The following DCAF8L2 variants were observed in gnomAD, a reference collection of about 807,000 sequenced individuals.
DCAF8L2 encodes DDB1- and CUL4-associated factor 8-like protein 2.
For synonymous variants in DCAF8L2, 200 were observed against 190.9 expected, an observed-to-expected ratio of 1.05 and a Z score of -0.39; for missense variants, 430 against 490.7, an observed-to-expected ratio of 0.88 and a Z score of 1.17.
At chrX:27,711,934 A>C (rs1931547448) in intron 3 of DCAF8L2, among the ~76,000 whole-genome samples, 1 of 111,210 alleles carries the variant, frequency 9.0e-6, no homozygotes, top group African/African-American at 3.3e-5. Context: ...GGTAGCTTGA[A>C]TCTTTCAAGG....
At chrX:27,674,849 A>T (rs1930087799) in intron 2 of DCAF8L2, among the ~76,000 whole-genome samples, 1 of 111,769 alleles carries the variant, frequency 8.9e-6, no homozygotes, top group Non-Finnish European at 1.9e-5. Context: ...GGTGCTCTCA[A>T]TTCAGAATTG....
chrX:27,637,557 A>G (rs1450909466), intron 2 of DCAF8L2, among the ~76,000 whole-genome samples: 1 of 112,364 alleles, frequency 8.9e-6, no homozygotes, highest in Non-Finnish European at 1.9e-5. Flanking sequence ...AGCTCAAGCC[A>G]TGGAGTACAT....
rs1326985086 is a variant in DCAF8L2 at position 27,746,941 on chromosome X, A to G, written c.46A>G (p.Thr16Ala). 1.7e-6 allele frequency: 2 copies of G among 1,205,582 alleles called. No individual in the cohort carries two copies. Among genetic ancestry groups the G allele is most frequent in the Admixed American group, 4.4e-5 (2 of 45,453 alleles). ...GSTDGLPDLG[T>A]ESLFSSPEEQ... The stretch of plus-strand genomic sequence containing the variant: ...CACAGACGGCTTACCAGACTTAGGG[A>G]CTGAAAGCCTGTTCAGCAGCCCAGA... Residue 16 changes from threonine to alanine, a missense_variant, in exon 5 of 5, where the codon ACT (threonine) becomes GCT (alanine). Physicochemically the swap from Thr to Ala is moderately conservative, Grantham distance 58. Coordinates refer to ENST00000451261, the MANE Select transcript of DCAF8L2 (RefSeq NM_001353450.2).
intron 4 of DCAF8L2, among the ~76,000 whole-genome samples, chrX:27,736,546 ATACT>A (rs999561392): frequency 2.7e-4 from 30 of 112,335 alleles, no homozygotes; most frequent in Non-Finnish European, 3.6e-4. Flanking sequence ...GTTTGTAAAA[ATACT>A]TACTTCAGAT....
At chrX:27,637,250 T>C (rs1271077592) in intron 2 of DCAF8L2, among the ~76,000 whole-genome samples, 1 of 112,302 alleles carries the variant, frequency 8.9e-6, no homozygotes, top group African/African-American at 3.2e-5. Flanking sequence ...TTATGTCCTA[T>C]GGAGTTCCTA....
intron 1 of DCAF8L2, among the ~76,000 whole-genome samples, chrX:27,624,776 T>C (rs1927934581): frequency 9.0e-6 from 1 of 111,546 alleles, no homozygotes; most frequent in Non-Finnish European, 1.9e-5. Flanking sequence ...ACTCAGTAAA[T>C]GGTGTTGGGA....
At chrX:27,700,104 G>A (rs1005147397) in intron 3 of DCAF8L2, among the ~76,000 whole-genome samples, 2 of 111,215 alleles carry the variant, frequency 1.8e-5, no homozygotes, top group Non-Finnish European at 3.8e-5. Context: ...AATCTAGGCT[G>A]GAGCATGTAG....
chrX:27,611,953 T>C (rs915698641), intron 1 of DCAF8L2, among the ~76,000 whole-genome samples: 2 of 111,550 alleles, frequency 1.8e-5, no homozygotes, highest in African/African-American at 6.5e-5. Context: ...TTTGGGTATA[T>C]AGCCAGTAAT....
At chrX:27,573,866 T>TC in the DCAF8L2 span, among the ~76,000 whole-genome samples, 909 of 104,898 alleles carry the variant, frequency 8.7e-3, 9 homozygotes, top group African/African-American at 0.03. Context: ...TCTCTCTCTC[T>TC]TTTTTTTTTT....
chrX:27,514,085 C>T, the DCAF8L2 span, among the ~76,000 whole-genome samples: 1 of 108,569 alleles, frequency 9.2e-6, no homozygotes, highest in African/African-American at 3.4e-5. Flanking sequence ...TTCACAATAG[C>T]CAATACATAA....
upstream of DCAF8L2, among the ~76,000 whole-genome samples, chrX:27,586,004 C>T (rs1925896245): frequency 9.0e-6 from 1 of 111,602 alleles, no homozygotes; most frequent in African/African-American, 3.3e-5. Flanking sequence ...TATCAGTGCT[C>T]ATCCACTAAC....
rs936995396 is a variant in DCAF8L2, at chrX:27,686,239, A to G, written c.-143+8327A>G. ...CCAGAAATTCCACTACTAGTTATAT[A>G]TCCAAAAGAAAGGAAATCAGTACAT... On this transcript the variant is annotated intron_variant, in intron 3 of 4. Coordinates refer to ENST00000451261, the MANE Select transcript of DCAF8L2 (RefSeq NM_001353450.2). Among the ~76,000 whole-genome samples, 7 of 111,107 alleles carry G rather than the reference A, an allele frequency of 6.3e-5. No homozygotes were observed. The Admixed American group carries it at 6.7e-4, about 11-fold the overall frequency.
intron 1 of DCAF8L2, among the ~76,000 whole-genome samples, chrX:27,614,495 C>G (rs1016611782): frequency 1.8e-5 from 2 of 111,187 alleles, no homozygotes; most frequent in African/African-American, 6.5e-5. Flanking sequence ...CTTTTGCTAG[C>G]TTTTGAATGT....
rs781380369 is a variant in DCAF8L2, at chrX:27,730,997, G to A, written c.-59+14826G>A. 3.6e-5 allele frequency among the ~76,000 whole-genome samples: 4 copies of A among 111,027 alleles called. No homozygotes were observed. The South Asian group carries it at 1.1e-3, about 32-fold the overall frequency. ...TGTTAAAATATTTAGAATCAAGTAC[G>A]GTATCTTGAACTTTGTGACCACAGA... On this transcript the variant is annotated intron_variant, in intron 4 of 4. Coordinates refer to ENST00000451261, the MANE Select transcript of DCAF8L2 (RefSeq NM_001353450.2).
chrX:27,487,986 A>C, the DCAF8L2 span, among the ~76,000 whole-genome samples: 2 of 112,381 alleles, frequency 1.8e-5, no homozygotes, highest in East Asian at 5.6e-4. Context: ...CTTCAGGTAC[A>C]AGTCTTTAAC....
the DCAF8L2 span, chrX:27,519,018 T>C: frequency 1.1e-6 from 1 of 885,364 alleles, no homozygotes; most frequent in Non-Finnish European, 1.7e-6. Context: ...TGGGAAACCA[T>C]GAACTATACA....
intron 4 of DCAF8L2, among the ~76,000 whole-genome samples, chrX:27,732,020 T>C (rs1921233441): frequency 9.0e-6 from 1 of 111,134 alleles, no homozygotes; most frequent in South Asian, 3.8e-4. Flanking sequence ...GTTGTTTTTA[T>C]TGTATATATT....
At position 27,747,445 on chromosome X, in the gene DCAF8L2, C is replaced by T; in HGVS notation, c.550C>T (p.Arg184Ter). Residue 184 changes from arginine (R) to a stop codon, truncating the protein, a stop_gained, in exon 5 of 5, where the codon CGA (arginine) becomes TGA (stop). Transcript: ENST00000451261. LOFTEE classifies it low-confidence loss of function (END_TRUNC). ...WVSSETSALPRPRWQVVTALH... is the reference protein window; with the variant it reads ...WVSSETSALP ...TTCCTCAGAGACATCTGCCCTGCCCCGACCTCGCTGGCAGGTCGTTACTGC... is the reference window on the plus strand; with the variant it reads ...TTCCTCAGAGACATCTGCCCTGCCCTGACCTCGCTGGCAGGTCGTTACTGC... 8.5e-7 allele frequency: 1 copy of T among 1,174,662 alleles called. No homozygotes were observed. The highest frequency in any genetic ancestry group is 1.1e-6 in the Non-Finnish European group (1 of 876,590).
At chrX:27,670,807 C>G (rs1217478348) in intron 2 of DCAF8L2, among the ~76,000 whole-genome samples, 1 of 110,995 alleles carries the variant, frequency 9.0e-6, no homozygotes, top group Non-Finnish European at 1.9e-5. Flanking sequence ...AGCCTGACCT[C>G]CTCCTGTCTC....
Sources: allele counts gnomAD v4.1 joint callset (sites outside exome capture counted in the v4.1 genomes callset), GRCh38; gene constraint gnomAD v4.1.1; transcripts MANE v1.5; gene names NCBI Gene and HGNC (gene_info 2026-07-23, HGNC 2026-07-21).